ARID1B: variants seen among roughly 807,000 people sequenced by gnomAD.
The protein encoded by ARID1B is AT-rich interaction domain 1B, also known as AT-rich interactive domain-containing protein 1B.
A neutral mutation model predicts 212.3 loss-of-function variants in ARID1B; 30 were observed. That is an observed-to-expected ratio of 0.14 (90% CI 0.11 to 0.19). The LOEUF is 0.19. Among genes scored for constraint, ARID1B ranks in the 10% least tolerant of loss-of-function variants. The probability of loss-of-function intolerance (pLI) is 1.00; values close to 1 mark genes in which losing one functional copy is unlikely to be tolerated. For synonymous variants in ARID1B, 1,402 were observed against 1,301.7 expected (o/e 1.08, Z -1.66); for missense variants, 2,891 against 3,204.0 (o/e 0.90, Z 2.36).
rs1302300755 is a variant in ARID1B, at chr6:157,116,317, T to C, written c.2581+5756T>C. Reference sequence around the variant, plus strand: ...AAGAAAGCTTATTTATTTGGACAGATGTAGAGAGGTCAAAATTAATTTTTC... The same window carrying C: ...AAGAAAGCTTATTTATTTGGACAGACGTAGAGAGGTCAAAATTAATTTTTC... On this transcript the variant is annotated intron_variant, in intron 6 of 19. Transcript: ENST00000636930. 1.3e-5 allele frequency among the ~76,000 whole-genome samples: 2 copies of C among 152,002 alleles called. 1 individual carries two copies. The highest frequency in any genetic ancestry group is 4.2e-4 in the South Asian group (2 of 4,814).
At chr6:156,987,619 C>T (rs546930138) in intron 4 of ARID1B, among the ~76,000 whole-genome samples, 35 of 152,272 alleles carry the variant, frequency 2.3e-4, no homozygotes, top group African/African-American at 7.7e-4. Context: ...CGTGAGCCAC[C>T]ACGCCCGGCC....
At position 157,210,313 on chromosome 6, in the gene ARID1B, C is replaced by G. The variant is rs960102027; in HGVS notation, c.*2422C>G. 1 of 230,690 alleles carries G rather than the reference C, an allele frequency of 4.3e-6. No individual in the cohort carries two copies. Among genetic ancestry groups the G allele is most frequent in the Non-Finnish European group, 8.6e-6 (1 of 116,548 alleles). The allele number at this position is 230,690 out of a possible 1,614,324, so 14.3% of individuals were successfully genotyped here. ...GGAATTCAATATTATTCTAATTTCT[C>G]TCTTACAGAGTACAAATAAAAGGTG... On this transcript the variant is annotated 3_prime_UTR_variant, in exon 20 of 20. Transcript: ENST00000636930.
rs1484818039 is a variant in ARID1B, at chr6:156,778,087, C to T, written c.407C>T (p.Ser136Leu). 24 of 1,540,048 alleles carry T rather than the reference C, an allele frequency of 1.6e-5. No individual in the cohort carries two copies. In the Admixed American group the frequency reaches 2.0e-4, roughly 13 times the overall value. Residue 136 changes from serine (S) to leucine (L), a missense_variant, in exon 1 of 20, where the codon TCG becomes TTG. Transcript: ENST00000636930. ...AAAAASSSSS[S>L]GPGSAMETGL... ...GCGGCGGCATCCTCTTCCTCCTCGT[C>T]GGGCCCGGGCTCGGCCATGGAGACG...
intron 4 of ARID1B, among the ~76,000 whole-genome samples, chr6:157,082,789 C>T (rs1784719752): frequency 6.6e-6 from 1 of 152,264 alleles, no homozygotes; most frequent in South Asian, 2.1e-4. Flanking sequence ...CTGTTGTTTC[C>T]CATAAGCACA....
chr6:157,013,071 G>T (rs996523646), intron 4 of ARID1B, among the ~76,000 whole-genome samples: 2 of 152,132 alleles, frequency 1.3e-5, no homozygotes, highest in Non-Finnish European at 2.9e-5. Context: ...TAGGGACGGG[G>T]TTTCTCCATG....
rs2114996861 is a variant in ARID1B at position 156,779,135 on chromosome 6, C to T, written c.1455C>T (p.Phe485=). 1 of 1,256,348 alleles carries T rather than the reference C, an allele frequency of 8.0e-7. No homozygotes were observed. The highest frequency in any genetic ancestry group is 2.2e-4 in the Middle Eastern group (1 of 4,634). The allele number at this position is 1,256,348 out of a possible 1,614,324, so 77.8% of individuals were successfully genotyped here. The change falls in exon 1 of 20, where the codon TTC becomes TTT. Residue 485 remains phenylalanine (F), a synonymous_variant. Transcript: ENST00000636930. ...CCGCCGGCTCGGCGGCGGGGGGCTTCCAGCGCTTCGCCGGCCAGAACCAGC... is the reference window on the plus strand; with the variant it reads ...CCGCCGGCTCGGCGGCGGGGGGCTTTCAGCGCTTCGCCGGCCAGAACCAGC... ...KAAAGSAAGG[F]QRFAGQNQHP...
chr6:156,834,947 T>G (rs1341536190), intron 2 of ARID1B, among the ~76,000 whole-genome samples: 1 of 152,130 alleles, frequency 6.6e-6, no homozygotes, highest in African/African-American at 2.4e-5. Flanking sequence ...TAAGAAAATA[T>G]TTTTGGGCCG....
At chr6:156,870,684 T>C (rs1303147628) in intron 2 of ARID1B, among the ~76,000 whole-genome samples, 1 of 149,384 alleles carries the variant, frequency 6.7e-6, no homozygotes, top group Non-Finnish European at 1.5e-5. Context: ...GGATTTCCTG[T>C]GAAAATAGAA....
chr6:157,014,010 T>A (rs1779765207), intron 4 of ARID1B, among the ~76,000 whole-genome samples: 2 of 152,194 alleles, frequency 1.3e-5, no homozygotes, highest in Non-Finnish European at 2.9e-5. Flanking sequence ...TGCTGGGTGT[T>A]TTTTGTTTTG....
At chr6:156,823,134 C>T (rs984413086) in intron 1 of ARID1B, among the ~76,000 whole-genome samples, 1 of 152,104 alleles carries the variant, frequency 6.6e-6, no homozygotes, top group Non-Finnish European at 1.5e-5. Context: ...GACATGTCTT[C>T]TCTATGCCCG....
chr6:157,069,297 A>G (rs1279024705), intron 4 of ARID1B, among the ~76,000 whole-genome samples: 3 of 152,114 alleles, frequency 2.0e-5, no homozygotes, highest in African/African-American at 7.2e-5. Context: ...GGAACCTTGC[A>G]TTTACTATTT....
At chr6:157,018,056 C>G (rs1342726933) in intron 4 of ARID1B, among the ~76,000 whole-genome samples, 1 of 151,602 alleles carries the variant, frequency 6.6e-6, no homozygotes, top group African/African-American at 2.4e-5. Flanking sequence ...AGGTTGAGCC[C>G]AGGAGGTTGA....
chr6:156,990,671 T>G (rs1399545079), intron 4 of ARID1B, among the ~76,000 whole-genome samples: 1 of 151,912 alleles, frequency 6.6e-6, no homozygotes, highest in Non-Finnish European at 1.5e-5. Flanking sequence ...AGAACATCTT[T>G]TGTAGAGACA....
At chr6:156,884,271 T>A (rs967125215) in intron 2 of ARID1B, among the ~76,000 whole-genome samples, 1 of 152,198 alleles carries the variant, frequency 6.6e-6, no homozygotes, top group Non-Finnish European at 1.5e-5. Context: ...CAGTATTTTT[T>A]AAGCTCCTTT....
At chr6:156,882,995 G>A (rs1787220637) in intron 2 of ARID1B, among the ~76,000 whole-genome samples, 1 of 152,196 alleles carries the variant, frequency 6.6e-6, no homozygotes. Context: ...AAGAGGGAGA[G>A]TTCGCTGTCT....
At chr6:156,942,508 G>C (rs1221613985) in intron 4 of ARID1B, 2 of 152,256 alleles carry the variant, frequency 1.3e-5, no homozygotes, top group Non-Finnish European at 2.9e-5. Context: ...TGGGTCTCAG[G>C]GAGTCTAGAG....
chr6:156,911,338 G>GTTTTTTTTTTT (rs57374747), intron 3 of ARID1B, among the ~76,000 whole-genome samples: 3 of 105,362 alleles, frequency 2.8e-5, no homozygotes, highest in Non-Finnish European at 6.0e-5. Context: ...TAAATAATTA[G>GTTTTTTTTTTT]TTTTTTTTTT....
At chr6:157,088,412 G>T (rs1243121834) in intron 5 of ARID1B, among the ~76,000 whole-genome samples, 1 of 152,176 alleles carries the variant, frequency 6.6e-6, no homozygotes, top group Admixed American at 6.5e-5. Flanking sequence ...TATTTTAATG[G>T]AATTTACTCA....
chr6:156,801,170 G>T (rs1017482780), intron 1 of ARID1B, among the ~76,000 whole-genome samples: 1 of 149,024 alleles, frequency 6.7e-6, no homozygotes, highest in Non-Finnish European at 1.5e-5. Context: ...TTGGATGGCT[G>T]TCAGTAGGGT....
Sources: gnomAD v4.1 joint callset for allele counts (sites outside exome capture counted in the v4.1 genomes callset) on GRCh38, gnomAD v4.1.1 for gene constraint, MANE v1.5 for transcripts, NCBI Gene and HGNC (gene_info 2026-07-23, HGNC 2026-07-21) for gene names.